Variants in PRKG1 observed in about 807,000 individuals in gnomAD.
PRKG1 encodes the protein protein kinase cGMP-dependent 1.
A neutral mutation model predicts 88.1 loss-of-function variants in PRKG1; 35 were observed. The observed-to-expected ratio is 0.40, with a 90% CI of 0.30 to 0.53. PRKG1 has a LOEUF of 0.53. PRKG1 is among the 20% of genes least tolerant of loss of function. The pLI is 0.59. For missense variants in PRKG1, 540 were observed against 839.8 expected, an observed-to-expected ratio of 0.64 and a Z score of 4.41; for synonymous variants, 303 against 292.5, an observed-to-expected ratio of 1.04 and a Z score of -0.37.
intron 2 of PRKG1, among the ~76,000 whole-genome samples, chr10:51,202,590 A>G (rs1837941094): frequency 1.3e-5 from 2 of 152,258 alleles, no homozygotes; most frequent in Non-Finnish European, 2.9e-5. Context: ...GTAGTCTAAC[A>G]GTGGAATATG....
At chr10:51,039,914 A>G (rs2132756431) in intron 1 of PRKG1, among the ~76,000 whole-genome samples, 3 of 152,090 alleles carry the variant, frequency 2.0e-5, no homozygotes, top group Admixed American at 2.0e-4. Flanking sequence ...TTGATTGTTT[A>G]TTCTGTTCTA....
intron 2 of PRKG1, among the ~76,000 whole-genome samples, chr10:51,177,132 C>T (rs570360631): frequency 6.6e-6 from 1 of 152,218 alleles, no homozygotes; most frequent in East Asian, 1.9e-4. Flanking sequence ...TGGCTTGGAG[C>T]ACTTTGTCCA....
chr10:52,221,096 G>A (rs1361762283), intron 9 of PRKG1, among the ~76,000 whole-genome samples: 1 of 151,916 alleles, frequency 6.6e-6, no homozygotes, highest in Non-Finnish European at 1.5e-5. Flanking sequence ...TAGCCATTCT[G>A]ACTGGTATGA....
chr10:52,027,091 A>G (rs770594000), intron 5 of PRKG1, among the ~76,000 whole-genome samples: 7 of 152,232 alleles, frequency 4.6e-5, no homozygotes, highest in Non-Finnish European at 5.9e-5. Flanking sequence ...CATGTAACCT[A>G]TAACTCAATC....
chr10:52,090,420 TATAA>T (rs1425383840), intron 7 of PRKG1, among the ~76,000 whole-genome samples: 4 of 151,514 alleles, frequency 2.6e-5, no homozygotes, highest in South Asian at 2.1e-4. Context: ...GTAATTTATT[TATAA>T]ATAAATAAAT....
In PRKG1 at chr10:52,156,248, A is replaced by G. The variant is rs149882393; in HGVS notation, c.1002-5641A>G. Reference sequence around the variant, plus strand: ...ACTCATAAAAATGTAATTGCTTTCCATGAAATTACTATCTGATATGATTTT... The same window carrying G: ...ACTCATAAAAATGTAATTGCTTTCCGTGAAATTACTATCTGATATGATTTT... On this transcript the variant is annotated intron_variant, in intron 8 of 17. Transcript: ENST00000373980. 3.5e-4 allele frequency among the ~76,000 whole-genome samples: 53 copies of G among 152,072 alleles called. No homozygotes were observed. The East Asian group carries it at 5.4e-3, about 16-fold the overall frequency.
intron 7 of PRKG1, among the ~76,000 whole-genome samples, chr10:52,106,856 T>C (rs931478194): frequency 6.6e-6 from 1 of 152,076 alleles, no homozygotes; most frequent in African/African-American, 2.4e-5. Flanking sequence ...GCCTTTATTA[T>C]AGTGATATTT....
At chr10:51,915,253 A>G (rs1009059585) in intron 5 of PRKG1, among the ~76,000 whole-genome samples, 2 of 152,192 alleles carry the variant, frequency 1.3e-5, no homozygotes, top group African/African-American at 4.8e-5. Flanking sequence ...AAATAGGCCT[A>G]GACTCTTCAG....
intron 3 of PRKG1, among the ~76,000 whole-genome samples, chr10:51,552,217 C>G (rs7901431): frequency 0.41 from 61,984 of 151,370 alleles, 13,398 homozygotes; most frequent in East Asian, 0.87. Flanking sequence ...ACTAGCCTCC[C>G]TCTAGCACCA....
intron 2 of PRKG1, among the ~76,000 whole-genome samples, chr10:51,330,242 C>A (rs1045741476): frequency 6.6e-5 from 10 of 151,586 alleles, no homozygotes; most frequent in Middle Eastern, 6.8e-3. Context: ...CCTCCACCTC[C>A]TGAGTTCAAG....
intron 1 of PRKG1, among the ~76,000 whole-genome samples, chr10:51,050,627 G>A (rs1287723852): frequency 1.3e-5 from 2 of 152,114 alleles, no homozygotes; most frequent in African/African-American, 4.8e-5. Context: ...ACATGAACGT[G>A]GTGACATCTC....
intron 3 of PRKG1, among the ~76,000 whole-genome samples, chr10:51,803,535 T>C (rs1199773719): frequency 6.6e-6 from 1 of 152,102 alleles, no homozygotes; most frequent in East Asian, 1.9e-4. Context: ...TCTGATAACT[T>C]TTCTTCTCCT....
At chr10:51,343,242 A>G (rs1391017738) in intron 2 of PRKG1, among the ~76,000 whole-genome samples, 1 of 152,086 alleles carries the variant, frequency 6.6e-6, no homozygotes, top group Non-Finnish European at 1.5e-5. Flanking sequence ...CTATCACCTG[A>G]CTTAATTCTC....
At chr10:51,612,303 G>GT (rs1838931385) in intron 3 of PRKG1, among the ~76,000 whole-genome samples, 1 of 151,816 alleles carries the variant, frequency 6.6e-6, no homozygotes, top group Admixed American at 6.6e-5. Context: ...GTCCTCTTCA[G>GT]TTTTTTTCTT....
At chr10:51,100,337 C>G (rs575386581) in intron 1 of PRKG1, among the ~76,000 whole-genome samples, 3 of 152,118 alleles carry the variant, frequency 2.0e-5, no homozygotes, top group Non-Finnish European at 4.4e-5. Flanking sequence ...AGGGAGTATT[C>G]TTGAAAATTT....
chr10:51,847,339 C>G (rs919967335), intron 4 of PRKG1, among the ~76,000 whole-genome samples: 1 of 152,066 alleles, frequency 6.6e-6, no homozygotes, highest in Admixed American at 6.5e-5. Context: ...CGTATAATCT[C>G]TCAAAAAATA....
intron 9 of PRKG1, among the ~76,000 whole-genome samples, chr10:52,174,919 C>T (rs1214528559): frequency 1.3e-5 from 2 of 151,754 alleles, no homozygotes; most frequent in Admixed American, 6.6e-5. Context: ...AATGATGTTC[C>T]AATACATATA....
At chr10:52,064,116 C>T (rs772722372) in intron 7 of PRKG1, among the ~76,000 whole-genome samples, 1 of 152,184 alleles carries the variant, frequency 6.6e-6, no homozygotes, top group Non-Finnish European at 1.5e-5. Context: ...TGCCCAGGAA[C>T]CTGTCTGCCT....
intron 3 of PRKG1, among the ~76,000 whole-genome samples, chr10:51,649,762 C>T (rs1245094565): frequency 6.6e-6 from 1 of 152,190 alleles, no homozygotes; most frequent in East Asian, 1.9e-4. Context: ...TATAAACAAT[C>T]TTCTTGGGTT....
Sources: allele counts gnomAD v4.1 joint callset (sites outside exome capture counted in the v4.1 genomes callset), GRCh38; gene constraint gnomAD v4.1.1; transcripts MANE v1.5; gene names NCBI Gene and HGNC (gene_info 2026-07-23, HGNC 2026-07-21).